AVEN: variants seen among roughly 807,000 people sequenced by gnomAD.
AVEN encodes the protein apoptosis and caspase activation inhibitor.
In AVEN, 41 loss-of-function variants were observed where a neutral mutation model predicts 38.1. The ratio of observed to expected loss-of-function variants is 1.08; its 90% CI spans 0.84 to 1.40. The LOEUF (loss-of-function observed/expected upper bound fraction) is 1.40. AVEN is among the 40% of genes most tolerant of loss of function. AVEN has a pLI of 0.00. For synonymous variants in AVEN, 206 were observed against 171.8 expected, an observed-to-expected ratio of 1.20 and a Z score of -1.56; for missense variants, 605 against 438.8, an observed-to-expected ratio of 1.38 and a Z score of -3.38.
intron 2 of AVEN, among the ~76,000 whole-genome samples, chr15:33,924,114 C>T (rs895218415): frequency 5.9e-5 from 9 of 152,104 alleles, no homozygotes; most frequent in African/African-American, 1.7e-4. Context: ...TTCCATGAAA[C>T]CAGTCTCTGG....
chr15:33,934,175 A>G (rs1249615431), intron 2 of AVEN, among the ~76,000 whole-genome samples: 1 of 151,256 alleles, frequency 6.6e-6, no homozygotes, highest in Non-Finnish European at 1.5e-5. Context: ...GGAGTTCAAG[A>G]CCAGCCTAGG....
At chr15:33,968,725 A>G (rs935270322) in intron 2 of AVEN, 4 of 152,106 alleles carry the variant, frequency 2.6e-5, no homozygotes, top group Non-Finnish European at 5.9e-5. Flanking sequence ...TAGTCCAGAT[A>G]ATGTTTTTTA....
At chr15:33,857,259 C>G (rs1256711876), downstream of AVEN, among the ~76,000 whole-genome samples, 8 of 240 alleles carry the variant, frequency 0.033, no homozygotes, top group African/African-American at 0.037. Context: ...AGCACCAGCA[C>G]CTGGTCTCCT....
At chr15:33,858,052 T>TAGA, downstream of AVEN, 1 of 1,142,462 alleles carries the variant, frequency 8.8e-7, no homozygotes, top group Non-Finnish European at 1.2e-6. Context: ...GAGATTAAAG[T>TAGA]AGAAGACAGA....
chr15:34,003,326 T>C (rs1465704042), intron 1 of AVEN, 117 bp from the exon 2 acceptor site: 12 of 801,896 alleles, frequency 1.5e-5, no homozygotes, highest in Non-Finnish European at 2.4e-5. Context: ...GACCAAGCTG[T>C]CTGAAGATAT....
intron 4 of AVEN, among the ~76,000 whole-genome samples, chr15:33,868,136 T>C (rs972576633): frequency 1.3e-5 from 2 of 152,208 alleles, no homozygotes; most frequent in Non-Finnish European, 2.9e-5. Context: ...AAAAGATCCA[T>C]GTCTTCCTAG....
Position 34,014,379 on chromosome 15 carries a change from A to C in AVEN, c.268-11170T>G, listed in dbSNP as rs939551522. 1.3e-4 allele frequency among the ~76,000 whole-genome samples: 15 copies of C among 119,310 alleles called. 1 individual carries two copies. The highest frequency in any genetic ancestry group is 3.4e-4 in the African/African-American group (12 of 35,014). 78.3% of individuals were successfully genotyped at this position (119,310 alleles called of 152,430 possible). ...AACTCCATCTCATTAAAAAAAAAAA[A>C]AAAAACAAAAACAAAAACCACGTTT... On this transcript the variant is annotated intron_variant, in intron 1 of 5. Transcript: ENST00000306730.
At position 33,866,603 on chromosome 15, in the gene AVEN, T is replaced by G. The variant is rs1314916477; in HGVS notation, c.*10A>C. 1 of 1,608,720 alleles carries G rather than the reference T, an allele frequency of 6.2e-7. No individual in the cohort carries two copies. Among genetic ancestry groups the G allele is most frequent in the South Asian group, 1.1e-5 (1 of 90,614 alleles). On this transcript the variant is annotated 3_prime_UTR_variant, in exon 6 of 6. Transcript: ENST00000306730. ...ACCAAGATTTGCTTCAGGCACTTTTTTTCCCCTTTTTAGGAAATCATGCTG... is the reference window on the plus strand; with the variant it reads ...ACCAAGATTTGCTTCAGGCACTTTTGTTCCCCTTTTTAGGAAATCATGCTG...
intron 1 of AVEN, among the ~76,000 whole-genome samples, chr15:34,006,894 A>T (rs1231762001): frequency 6.6e-6 from 1 of 152,262 alleles, no homozygotes; most frequent in Non-Finnish European, 1.5e-5. Flanking sequence ...GAGACAAAAT[A>T]AAAATATGCA....
At chr15:33,966,052 A>T (rs1238808056) in intron 2 of AVEN, among the ~76,000 whole-genome samples, 1 of 152,202 alleles carries the variant, frequency 6.6e-6, no homozygotes, top group African/African-American at 2.4e-5. Context: ...TTTTTCCATT[A>T]ATTCAGTTTA....
chr15:33,857,903 G>A (rs752579837), downstream of AVEN: 18 of 1,614,000 alleles, frequency 1.1e-5, no homozygotes, highest in South Asian at 2.2e-5. Flanking sequence ...GAAGTGCGAC[G>A]ACATGATGAC....
chr15:33,996,053 A>G (rs1268335889), intron 2 of AVEN, among the ~76,000 whole-genome samples: 1 of 152,226 alleles, frequency 6.6e-6, no homozygotes, highest in Non-Finnish European at 1.5e-5. Context: ...GGTGGGTCCC[A>G]CACCCACACA....
intron 2 of AVEN, among the ~76,000 whole-genome samples, chr15:33,955,558 A>G (rs1597271191): frequency 6.6e-6 from 1 of 152,200 alleles, no homozygotes; most frequent in African/African-American, 2.4e-5. Context: ...GTCAGGAAAA[A>G]TGATAGTTTC....
rs10632153 is a variant in AVEN, at chr15:34,062,554, CAAAAAAAA to C, written n.1637+360_1637+367del. ...TGGGTGACAAAGCGAGATTCTGTCT[CAAAAAAAA>C]AAAAAAAAAAAACTATAAACAATGG... On this transcript the variant is annotated intron_variant and non_coding_transcript_variant, in intron 5 of 11. Transcript: ENST00000675287. 5 of 409,232 alleles carry C rather than the reference CAAAAAAAA, an allele frequency of 1.2e-5. No homozygotes were observed. The Admixed American group carries it at 1.7e-4, about 14-fold the overall frequency. The allele number at this position is 409,232 out of a possible 1,614,324, so 25.4% of individuals were successfully genotyped here. A position where few individuals can be genotyped will look rare whatever the true frequency, so the allele number is the denominator to read the frequency against.
intron 2 of AVEN, among the ~76,000 whole-genome samples, chr15:33,887,776 C>T (rs116582972): frequency 0.015 from 2,287 of 152,174 alleles, 62 homozygotes; most frequent in African/African-American, 0.051. Context: ...ATGATATGCT[C>T]GTGATACTAA....
chr15:34,052,584 A>G (rs1361486527), intron 5 of AVEN, among the ~76,000 whole-genome samples: 1 of 152,242 alleles, frequency 6.6e-6, no homozygotes, highest in African/African-American at 2.4e-5. Flanking sequence ...ATATAATTCT[A>G]TGTCCAGAAA....
intron 2 of AVEN, among the ~76,000 whole-genome samples, chr15:33,957,307 C>A (rs995175539): frequency 6.6e-6 from 1 of 152,154 alleles, no homozygotes; most frequent in Non-Finnish European, 1.5e-5. Context: ...CTTCCTTGTC[C>A]ATTAGAGACC....
chr15:33,873,680 G>A (rs1483455582), intron 3 of AVEN, among the ~76,000 whole-genome samples: 2 of 151,562 alleles, frequency 1.3e-5, no homozygotes, highest in Non-Finnish European at 2.9e-5. Context: ...ACAGGAAATC[G>A]TTTTGATGGT....
intron 2 of AVEN, among the ~76,000 whole-genome samples, chr15:34,069,816 T>C (rs1243819553): frequency 6.6e-6 from 1 of 152,230 alleles, no homozygotes; most frequent in African/African-American, 2.4e-5. Flanking sequence ...TATATTGAAT[T>C]TCAGAGTTTT....
Sources: gnomAD v4.1 joint callset for allele counts (sites outside exome capture counted in the v4.1 genomes callset) on GRCh38, gnomAD v4.1.1 for gene constraint, MANE v1.5 for transcripts, NCBI Gene and HGNC (gene_info 2026-07-23, HGNC 2026-07-21) for gene names.